The following HPS5 variants were observed in gnomAD, a reference collection of about 807,000 sequenced individuals.
HPS5 encodes the protein HPS5 biogenesis of lysosomal organelles complex 2 subunit 2.
HPS5 carries 83 observed loss-of-function variants against 128.0 expected under a neutral mutation model. The ratio of observed to expected loss-of-function variants is 0.65; its 90% CI spans 0.54 to 0.78. HPS5 has a LOEUF of 0.78. Among genes scored for constraint, HPS5 ranks in the 30% least tolerant of loss-of-function variants. HPS5 has a pLI of 0.00. For missense variants in HPS5, 1,281 were observed against 1,326.2 expected (o/e 0.97, Z 0.53); for synonymous variants, 475 against 470.2 (o/e 1.01, Z -0.13).
At chr11:18,288,362 T>C (rs1362428875) in intron 16 of HPS5, among the ~76,000 whole-genome samples, 1 of 152,200 alleles carries the variant, frequency 6.6e-6, no homozygotes, top group Non-Finnish European at 1.5e-5. Context: ...CCAATATACA[T>C]AGCTATCATC....
chr11:18,293,128 TCTCC>T, intron 14 of HPS5, 152 bp from the exon 15 acceptor site: 1 of 701,280 alleles, frequency 1.4e-6, no homozygotes, highest in Non-Finnish European at 2.6e-6. Flanking sequence ...TTCAAGCAAT[TCTCC>T]CTGCCTCAGC....
At chr11:18,296,418 T>G in intron 12 of HPS5, 1 of 542,254 alleles carries the variant, frequency 1.8e-6, no homozygotes, top group South Asian at 2.2e-5. Context: ...ACAGGAATAC[T>G]CGCACATCGA....
chr11:18,285,515 T>G lies in HPS5; in HGVS notation c.2838-56A>C, dbSNP rs564064159. 16 of 1,158,060 alleles carry G rather than the reference T, an allele frequency of 1.4e-5. No individual in the cohort carries two copies. In the South Asian group the frequency reaches 1.9e-4, roughly 13 times the overall value. 71.7% of individuals were successfully genotyped at this position (1,158,060 alleles called of 1,614,324 possible). A position where few individuals can be genotyped will look rare whatever the true frequency, so the allele number is the denominator to read the frequency against. ...ATAGGAAATAAACTCTAGAAAATGCTTATTTATCACCTAATAGGTAAGAAT... is the reference window on the plus strand; with the variant it reads ...ATAGGAAATAAACTCTAGAAAATGCGTATTTATCACCTAATAGGTAAGAAT... On this transcript the variant is annotated intron_variant, in intron 19 of 22. Transcript: ENST00000349215.
intron 9 of HPS5, among the ~76,000 whole-genome samples, chr11:18,300,212 T>C (rs1861531876): frequency 6.6e-6 from 1 of 152,084 alleles, no homozygotes; most frequent in South Asian, 2.1e-4. Context: ...ATACACTGCA[T>C]GTATCGAAAC....
At chr11:18,311,021 A>G (rs1454713067) in intron 4 of HPS5, 88 bp from the exon 5 acceptor site, 3 of 907,536 alleles carry the variant, frequency 3.3e-6, no homozygotes, top group Admixed American at 1.8e-5. Flanking sequence ...TATCAAATAC[A>G]TATGCAACTC....
intron 10 of HPS5, among the ~76,000 whole-genome samples, chr11:18,298,199 T>C (rs1861303228): frequency 6.6e-6 from 1 of 151,962 alleles, no homozygotes; most frequent in Non-Finnish European, 1.5e-5. Context: ...TTCTTAGGAA[T>C]TAAGAATTTA....
intron 11 of HPS5, 58 bp from the exon 12 acceptor site, chr11:18,297,042 A>C: frequency 9.2e-7 from 1 of 1,091,754 alleles, no homozygotes. Context: ...TATAACGTTA[A>C]TATAACTTCT....
chr11:18,298,975 G>C lies in HPS5; in HGVS notation c.986-5C>G, dbSNP rs201439984. The C allele has an allele frequency of 6.2e-7, 1 of 1,613,898 alleles. No homozygotes were observed. The highest frequency in any genetic ancestry group is 1.7e-5 in the Admixed American group (1 of 60,024). Reference sequence around the variant, plus strand: ...AGACAGCCACATCCTGAATATCTACGAAAACCACAGGTGTGAACATACAAA... The same window carrying C: ...AGACAGCCACATCCTGAATATCTACCAAAACCACAGGTGTGAACATACAAA... On this transcript the variant is annotated splice_region_variant and splice_polypyrimidine_tract_variant and intron_variant, in intron 9 of 22. Coordinates refer to ENST00000349215, the MANE Select transcript of HPS5 (RefSeq NM_181507.2).
intron 2 of HPS5, among the ~76,000 whole-genome samples, chr11:18,317,382 A>AG (rs1863762551): frequency 6.6e-6 from 1 of 151,480 alleles, no homozygotes; most frequent in Non-Finnish European, 1.5e-5. Flanking sequence ...CAGCCTCCCG[A>AG]GTACCTGGGA....
intron 16 of HPS5, among the ~76,000 whole-genome samples, chr11:18,289,201 T>C (rs1655989640): frequency 2.6e-5 from 4 of 152,220 alleles, no homozygotes; most frequent in Admixed American, 1.3e-4. Flanking sequence ...AAAGTCATTT[T>C]TTCCCCAGTC....
chr11:18,279,802 T>A lies in HPS5; in HGVS notation c.*80A>T, dbSNP rs1258208400. The A allele has an allele frequency of 7.2e-7, 1 of 1,395,748 alleles. No homozygotes were observed. Among genetic ancestry groups the A allele is most frequent in the Non-Finnish European group, 1.0e-6 (1 of 984,862 alleles). 86.5% of individuals were successfully genotyped at this position (1,395,748 alleles called of 1,614,324 possible). A position where few individuals can be genotyped will look rare whatever the true frequency, so the allele number is the denominator to read the frequency against. On this transcript the variant is annotated 3_prime_UTR_variant, in exon 23 of 23. Transcript: ENST00000349215. ...TTTGGGGGTGGTGTCTTTCCTTCAA[T>A]AACAAATGCGTTCAGAAGGTTCAGG...
chr11:18,314,574 A>T lies in HPS5; in HGVS notation c.109-2550T>A, dbSNP rs142844864. 62 of 151,700 alleles carry T rather than the reference A, an allele frequency of 4.1e-4. 1 individual carries two copies. The highest frequency in any genetic ancestry group is 1.3e-3 in the African/African-American group (52 of 41,474). The allele number at this position is 151,700 out of a possible 1,614,324, so 9.4% of individuals were successfully genotyped here. On this transcript the variant is annotated intron_variant, in intron 2 of 22. Transcript: ENST00000349215. ...ATAAATAAATAAATAATCCACTTGT[A>T]ACTGCTGCTAATCAAAGTGTATATT...
chr11:18,287,140 G>A (rs1266372582), intron 18 of HPS5, among the ~76,000 whole-genome samples: 2 of 152,182 alleles, frequency 1.3e-5, no homozygotes, highest in Non-Finnish European at 2.9e-5. Context: ...CAGGTCACAA[G>A]TGTTACAACC....
At chr11:18,311,187 G>C (rs1169430411) in intron 4 of HPS5, among the ~76,000 whole-genome samples, 200 bp downstream of exon 4, 2 of 152,076 alleles carry the variant, frequency 1.3e-5, no homozygotes, top group Non-Finnish European at 2.9e-5. Context: ...CCTTAAATTA[G>C]CATTTTCTAC....
rs200178854 is a variant in HPS5 at position 18,295,114 on chromosome 11, G to A, written c.1690C>T (p.Pro564Ser). The A allele has an allele frequency of 6.8e-6, 11 of 1,614,046 alleles. No homozygotes were observed. In the Admixed American group the frequency reaches 1.8e-4, roughly 27 times the overall value. The part of the protein sequence containing the change: ...TEKIGTLHTS[P>S]DLKVRPELRG... ...AGCTCTGGTCTCACTTTCAGATCAG[G>A]GCTCGTGTGAAGGGTGCCAATCTTC... is the stretch of plus-strand genomic sequence containing the variant. The change falls in exon 14 of 23, where the codon CCT becomes TCT. Residue 564 changes from proline to serine, a missense_variant. Transcript: ENST00000349215.
At position 18,292,982 on chromosome 11, in the gene HPS5, A is replaced by G. The variant is rs1173719155; in HGVS notation, c.1785-6T>C. 1.2e-6 allele frequency: 2 copies of G among 1,611,170 alleles called. No homozygotes were observed. Among genetic ancestry groups the G allele is most frequent in the Non-Finnish European group, 1.7e-6 (2 of 1,177,532 alleles). On this transcript the variant is annotated splice_region_variant and splice_polypyrimidine_tract_variant and intron_variant, in intron 14 of 22. Coordinates refer to ENST00000349215, the MANE Select transcript of HPS5 (RefSeq NM_181507.2). ...TAGTTACCTCTTTTTCCTCCCTAAA[A>G]AAGTGTGCAAAATAACAATAACATT... is the stretch of plus-strand genomic sequence containing the variant.
intron 14 of HPS5, among the ~76,000 whole-genome samples, chr11:18,294,462 C>G (rs919059710): frequency 1.3e-5 from 2 of 152,004 alleles, no homozygotes; most frequent in African/African-American, 4.8e-5. Context: ...TACGCAGAGC[C>G]AGGATGAGGT....
At chr11:18,318,694 T>G (rs11024621) in intron 1 of HPS5, among the ~76,000 whole-genome samples, 25,674 of 152,194 alleles carry the variant, frequency 0.17, 2,550 homozygotes, top group African/African-American at 0.28. Context: ...ATAACTTTTC[T>G]CAATCACTTG....
At chr11:18,284,785 A>C (rs1049081094) in intron 20 of HPS5, among the ~76,000 whole-genome samples, 1 of 152,202 alleles carries the variant, frequency 6.6e-6, no homozygotes, top group African/African-American at 2.4e-5. Context: ...GCCATAAGCC[A>C]GTATCACCAG....
Sources: gnomAD v4.1 joint callset for allele counts (sites outside exome capture counted in the v4.1 genomes callset) on GRCh38, gnomAD v4.1.1 for gene constraint, MANE v1.5 for transcripts, NCBI Gene and HGNC (gene_info 2026-07-23, HGNC 2026-07-21) for gene names.